Variants in CFAP20DC observed in about 807,000 individuals in gnomAD.
CFAP20DC encodes CFAP20 domain containing.
A neutral mutation model predicts 101.7 loss-of-function variants in CFAP20DC; 84 were observed. The observed-to-expected ratio is 0.83, with a 90% CI of 0.69 to 0.99. CFAP20DC has a LOEUF of 0.99. Ranked by LOEUF, CFAP20DC falls within the 50% of genes least tolerant of loss-of-function variation. The pLI is 0.00. For synonymous variants in CFAP20DC, 359 were observed against 351.2 expected (o/e 1.02, Z -0.25); for missense variants, 1,007 against 970.3 (o/e 1.04, Z -0.50).
chr3:58,933,657 T>C (rs1300709760), intron 5 of CFAP20DC, among the ~76,000 whole-genome samples: 3 of 152,094 alleles, frequency 2.0e-5, no homozygotes, highest in Non-Finnish European at 4.4e-5. Flanking sequence ...CTGAACAACC[T>C]GCTCCTGAAT....
intron 15 of CFAP20DC, among the ~76,000 whole-genome samples, chr3:58,800,388 G>C (rs2073603407): frequency 6.6e-6 from 1 of 152,184 alleles, no homozygotes; most frequent in African/African-American, 2.4e-5. Flanking sequence ...TGGACATTCA[G>C]GTGTATCAGA....
Position 59,015,933 on chromosome 3 carries a change from T to C in CFAP20DC, c.278+23624A>G, listed in dbSNP as rs920157141. On this transcript the variant is annotated intron_variant, in intron 4 of 16. Coordinates refer to ENST00000482387, the MANE Select transcript of CFAP20DC (RefSeq NM_001394063.1). The surrounding 1 kb of genome is among the most constrained non-coding windows in gnomAD (Gnocchi z 5.4). ...GAACATATGGCCACATTTCCATATC[T>C]AAGCAGTACCAATGGATGCCCAGGC... Among the ~76,000 whole-genome samples the C allele has an allele frequency of 6.6e-6, 1 of 152,114 alleles. No individual in the cohort carries two copies. Among genetic ancestry groups the C allele is most frequent in the East Asian group, 1.9e-4 (1 of 5,186 alleles).
At chr3:58,887,828 A>G (rs1001914313) in intron 6 of CFAP20DC, among the ~76,000 whole-genome samples, 19 of 152,258 alleles carry the variant, frequency 1.2e-4, no homozygotes, top group African/African-American at 1.7e-4. Flanking sequence ...CAATAAAAGG[A>G]GAAATGTTTT....
intron 5 of CFAP20DC, among the ~76,000 whole-genome samples, chr3:58,935,041 A>C (rs1335715753): frequency 6.6e-6 from 1 of 152,200 alleles, no homozygotes; most frequent in Non-Finnish European, 1.5e-5. Context: ...CTCAGCCCAA[A>C]ATCTCCTTAA....
chr3:58,807,110 C>G (rs2074143026), intron 14 of CFAP20DC, among the ~76,000 whole-genome samples: 1 of 152,210 alleles, frequency 6.6e-6, no homozygotes, highest in Non-Finnish European at 1.5e-5. Flanking sequence ...GGAGGCCTGC[C>G]TGCCTCTGTA....
intron 4 of CFAP20DC, among the ~76,000 whole-genome samples, chr3:59,027,673 T>C (rs2093917340): frequency 6.6e-6 from 1 of 152,168 alleles, no homozygotes; most frequent in Non-Finnish European, 1.5e-5. Context: ...AATCATTTAG[T>C]GTGATTGGCA....
intron 5 of CFAP20DC, among the ~76,000 whole-genome samples, chr3:58,928,378 T>C (rs929111906): frequency 3.9e-5 from 6 of 152,190 alleles, no homozygotes; most frequent in African/African-American, 1.4e-4. Context: ...AGACAGGACT[T>C]ATAATCCTTA....
chr3:58,741,957 A>G (rs962022532), downstream of CFAP20DC: 3 of 435,144 alleles, frequency 6.9e-6, no homozygotes, highest in Non-Finnish European at 9.2e-6. Flanking sequence ...TCATATAGGA[A>G]TATTCTGGAA....
intron 15 of CFAP20DC, among the ~76,000 whole-genome samples, chr3:58,779,311 G>C (rs951280932): frequency 6.6e-6 from 1 of 152,088 alleles, no homozygotes; most frequent in Admixed American, 6.6e-5. Flanking sequence ...AAAAATAAAG[G>C]GATGGAAAAG....
At position 58,971,225 on chromosome 3, in the gene CFAP20DC, A is replaced by G. The variant is rs949912293; in HGVS notation, c.279-33463T>C. Among the ~76,000 whole-genome samples the G allele has an allele frequency of 2.0e-5, 3 of 152,194 alleles. No individual in the cohort carries two copies. The highest frequency in any genetic ancestry group is 7.2e-5 in the African/African-American group (3 of 41,458). On this transcript the variant is annotated intron_variant, in intron 4 of 16. Coordinates refer to ENST00000482387, the MANE Select transcript of CFAP20DC (RefSeq NM_001394063.1). The surrounding 1 kb of genome is among the most constrained non-coding windows in gnomAD (Gnocchi z 4.1). Reference sequence around the variant, plus strand: ...ACCATAAAGAAGATATTTGGCACTGAAAGTACGTTTTTCACAAATCACAAA... The same window carrying G: ...ACCATAAAGAAGATATTTGGCACTGGAAGTACGTTTTTCACAAATCACAAA...
intron 15 of CFAP20DC, among the ~76,000 whole-genome samples, chr3:58,771,715 A>C (rs1462682486): frequency 2.6e-5 from 4 of 152,180 alleles, no homozygotes; most frequent in Non-Finnish European, 5.9e-5. Context: ...TAACACTGAG[A>C]TCAATCTCTA....
intron 3 of CFAP20DC, among the ~76,000 whole-genome samples, chr3:58,719,901 T>C (rs2067447160): frequency 6.6e-6 from 1 of 152,224 alleles, no homozygotes; most frequent in East Asian, 1.9e-4. Context: ...TCCCCTGTCC[T>C]CGGACAAGCC....
intron 12 of CFAP20DC, among the ~76,000 whole-genome samples, chr3:58,853,555 C>G (rs1250454854): frequency 6.6e-6 from 1 of 152,028 alleles, no homozygotes; most frequent in African/African-American, 2.4e-5. Context: ...AGACCAATAT[C>G]CTTGATGAAC....
intron 14 of CFAP20DC, among the ~76,000 whole-genome samples, chr3:58,817,709 A>C (rs1446211920): frequency 1.3e-5 from 2 of 150,712 alleles, no homozygotes; most frequent in African/African-American, 4.9e-5. Flanking sequence ...AAGTTGGAAA[A>C]CACTCTGCAG....
intron 12 of CFAP20DC, among the ~76,000 whole-genome samples, chr3:58,860,194 A>AG (rs1491209068): frequency 7.2e-6 from 1 of 139,280 alleles, no homozygotes; most frequent in African/African-American, 2.6e-5. Context: ...AAAAAAAAAA[A>AG]GAAAGAAAAA....
chr3:58,836,383 T>A (rs114012278), intron 13 of CFAP20DC, among the ~76,000 whole-genome samples: 207 of 152,304 alleles, frequency 1.4e-3, no homozygotes, highest in Non-Finnish European at 2.5e-3. Context: ...CCCAATCTAT[T>A]CCTTAAGCTG....
intron 4 of CFAP20DC, among the ~76,000 whole-genome samples, chr3:58,948,721 G>A (rs1410810309): frequency 6.6e-6 from 1 of 152,204 alleles, no homozygotes; most frequent in East Asian, 1.9e-4. Flanking sequence ...TTGCATCGAT[G>A]TTCATCAGGG....
In CFAP20DC at chr3:59,001,619, C is replaced by G. The variant is rs998283160; in HGVS notation, c.278+37938G>C. Among the ~76,000 whole-genome samples, 1 of 152,204 alleles carries G rather than the reference C, an allele frequency of 6.6e-6. No homozygotes were observed. The highest frequency in any genetic ancestry group is 2.4e-5 in the African/African-American group (1 of 41,458). The stretch of plus-strand genomic sequence containing the variant: ...AGAGATGGGGTTTCTCCATGTTGGT[C>G]AGGTTGGTCTCGAACTCCCGACCTC... On this transcript the variant is annotated intron_variant, in intron 4 of 16. Transcript: ENST00000482387. The surrounding 1 kb of genome is among the most constrained non-coding windows in gnomAD (Gnocchi z 4.5).
chr3:58,790,692 G>C (rs2072776248), intron 15 of CFAP20DC, among the ~76,000 whole-genome samples: 1 of 152,164 alleles, frequency 6.6e-6, no homozygotes, highest in Admixed American at 6.5e-5. Flanking sequence ...TGTGATTTAA[G>C]CAATGTACTA....
Sources: allele counts gnomAD v4.1 joint callset (sites outside exome capture counted in the v4.1 genomes callset), GRCh38; gene constraint gnomAD v4.1.1; non-coding constraint Gnocchi (gnomAD v3.1); transcripts MANE v1.5; gene names NCBI Gene and HGNC (gene_info 2026-07-23, HGNC 2026-07-21).